Variants in TRAPPC9 observed in about 807,000 individuals in gnomAD.
TRAPPC9 encodes trafficking protein particle complex subunit 9.
Under a neutral mutation model 124.0 loss-of-function variants are expected in TRAPPC9, and 83 were observed. That is an observed-to-expected ratio of 0.67 (90% CI 0.56 to 0.80). The LOEUF (loss-of-function observed/expected upper bound fraction) is 0.80, where lower values mean the gene tolerates loss of function less well. Among genes scored for constraint, TRAPPC9 ranks in the 30% least tolerant of loss-of-function variants. TRAPPC9 has a pLI of 0.00. For missense variants in TRAPPC9, 1,302 were observed against 1,508.3 expected (o/e 0.86, Z 2.27); for synonymous variants, 638 against 617.5 (o/e 1.03, Z -0.49).
chr8:140,323,861 T>C (rs1159080931), intron 9 of TRAPPC9, among the ~76,000 whole-genome samples: 4 of 151,984 alleles, frequency 2.6e-5, no homozygotes, highest in African/African-American at 7.3e-5. Flanking sequence ...ATATATACTT[T>C]ATACTCTCAG....
intron 21 of TRAPPC9, among the ~76,000 whole-genome samples, chr8:139,790,505 C>T (rs1184987726): frequency 1.3e-5 from 2 of 152,214 alleles, no homozygotes; most frequent in Non-Finnish European, 2.9e-5. Context: ...AGGCTCTGGG[C>T]ACTGACTGCA....
intron 17 of TRAPPC9, among the ~76,000 whole-genome samples, chr8:140,192,735 T>C (rs2062527327): frequency 6.6e-6 from 1 of 152,242 alleles, no homozygotes; most frequent in Non-Finnish European, 1.5e-5. Context: ...CCACTATTTA[T>C]TGGATATTTT....
At chr8:140,406,698 A>T (rs770771163) in intron 5 of TRAPPC9, among the ~76,000 whole-genome samples, 1 of 152,212 alleles carries the variant, frequency 6.6e-6, no homozygotes, top group Non-Finnish European at 1.5e-5. Flanking sequence ...GAACTCTAAG[A>T]AAAGGAGAAC....
At chr8:140,153,380 C>A (rs893915031) in intron 17 of TRAPPC9, among the ~76,000 whole-genome samples, 4 of 151,968 alleles carry the variant, frequency 2.6e-5, no homozygotes, top group African/African-American at 4.8e-5. Flanking sequence ...CATTCATTTG[C>A]CCCTATCATT....
Position 140,252,550 on chromosome 8 carries a change from T to C in TRAPPC9, c.2431+227A>G. ...GACCTGCTGGTAAATGAGTACAAAA[T>C]AATAAAGAGTGAGAATTAAATCATT... is the stretch of plus-strand genomic sequence containing the variant. On this transcript the variant is annotated intron_variant, in intron 16 of 22. Transcript: ENST00000438773. This position sits in a 1 kb window ranked among gnomAD's most constrained non-coding sequence, Gnocchi z 4.2. 1 of 539,100 alleles carries C rather than the reference T, an allele frequency of 1.9e-6. No homozygotes were observed. The highest frequency in any genetic ancestry group is 3.2e-5 in the Admixed American group (1 of 30,900). 33.4% of individuals were successfully genotyped at this position (539,100 alleles called of 1,614,324 possible).
intron 17 of TRAPPC9, among the ~76,000 whole-genome samples, chr8:140,202,313 G>A (rs1272715229): frequency 6.6e-6 from 1 of 152,238 alleles, no homozygotes; most frequent in East Asian, 1.9e-4. Context: ...GGAAATCCAT[G>A]CATCCACCAT....
intron 18 of TRAPPC9, among the ~76,000 whole-genome samples, chr8:139,995,537 C>A (rs1199354039): frequency 6.6e-6 from 1 of 152,156 alleles, no homozygotes; most frequent in East Asian, 1.9e-4. Context: ...TGCCTCTGGA[C>A]AGTCAGTCCT....
chr8:140,432,628 T>G (rs937739564), intron 4 of TRAPPC9, among the ~76,000 whole-genome samples: 1 of 152,206 alleles, frequency 6.6e-6, no homozygotes, highest in African/African-American at 2.4e-5. Context: ...ATCCCAGCAC[T>G]TTGGGAGGCC....
chr8:139,852,021 G>C (rs2130934463), intron 21 of TRAPPC9, among the ~76,000 whole-genome samples: 1 of 152,328 alleles, frequency 6.6e-6, no homozygotes, highest in South Asian at 2.1e-4. Context: ...TGCTGTGGGA[G>C]AGTCCCCGTG....
intron 10 of TRAPPC9, among the ~76,000 whole-genome samples, chr8:140,309,048 G>A (rs1346992236): frequency 6.6e-6 from 1 of 152,140 alleles, no homozygotes; most frequent in Non-Finnish European, 1.5e-5. Flanking sequence ...GACGCGCACA[G>A]AAGGTTCGGA....
chr8:140,126,297 T>C (rs2130661950), intron 17 of TRAPPC9, among the ~76,000 whole-genome samples: 1 of 151,114 alleles, frequency 6.6e-6, no homozygotes, highest in South Asian at 2.1e-4. Context: ...GTGGGCCCCA[T>C]CTGGAGCATC....
intron 17 of TRAPPC9, among the ~76,000 whole-genome samples, chr8:140,125,838 C>T (rs191147158): frequency 2.6e-5 from 4 of 152,070 alleles, no homozygotes; most frequent in East Asian, 1.9e-4. Context: ...AGAGAAACAA[C>T]GATTAGACAT....
At chr8:140,337,477 G>A (rs1332058697) in intron 9 of TRAPPC9, among the ~76,000 whole-genome samples, 2 of 152,162 alleles carry the variant, frequency 1.3e-5, no homozygotes, top group East Asian at 3.9e-4. Context: ...GCTTGAGCAG[G>A]CCAGGACTGT....
chr8:139,826,798 G>T (rs568752029), intron 21 of TRAPPC9, among the ~76,000 whole-genome samples: 93 of 152,296 alleles, frequency 6.1e-4, no homozygotes, highest in Non-Finnish European at 1.1e-3. Flanking sequence ...GAACAGAAAG[G>T]TACAGCAGGA....
At chr8:140,208,031 T>G (rs1273716997) in intron 17 of TRAPPC9, among the ~76,000 whole-genome samples, 1 of 151,726 alleles carries the variant, frequency 6.6e-6, no homozygotes, top group Admixed American at 6.6e-5. Flanking sequence ...ACGCATGTAG[T>G]CCCAACTACT....
At chr8:139,889,823 C>G (rs564179924) in intron 20 of TRAPPC9, among the ~76,000 whole-genome samples, 271 of 152,318 alleles carry the variant, frequency 1.8e-3, no homozygotes, top group African/African-American at 6.4e-3. Context: ...CCCCCTGCGG[C>G]CCCCTCGTCC....
chr8:139,732,036 G>T lies in TRAPPC9; in HGVS notation c.3222C>A (p.Asn1074Lys). The change falls in exon 22 of 23, where the codon AAC (asparagine) becomes AAA (lysine). Residue 1074 changes from asparagine (N) to lysine (K), a missense_variant. Physicochemically the swap from Asn to Lys is moderately conservative, Grantham distance 94. Around this residue, in one of 3 missense-constraint regions of TRAPPC9, gnomAD observed 640 missense variants for 679.3 expected, o/e 0.94. Coordinates refer to ENST00000438773, the MANE Select transcript of TRAPPC9 (RefSeq NM_001160372.4). The part of the protein sequence containing the change: ...PFQDHQNGVH[N>K]YDLHDTVSFV... Reference sequence around the variant, plus strand: ...AGGAGACGGTGTCGTGCAGGTCGTAGTTGTGCACGCCGTTCTGGTGGTCCT... The same window carrying T: ...AGGAGACGGTGTCGTGCAGGTCGTATTTGTGCACGCCGTTCTGGTGGTCCT... 6.2e-7 allele frequency: 1 copy of T among 1,604,680 alleles called. No individual in the cohort carries two copies. Among genetic ancestry groups the T allele is most frequent in the Non-Finnish European group, 8.5e-7 (1 of 1,175,540 alleles).
rs76414889 is a variant in TRAPPC9 at position 140,156,790 on chromosome 8, T to C, written c.2556+64669A>G. On this transcript the variant is annotated intron_variant, in intron 17 of 22. Coordinates refer to ENST00000438773, the MANE Select transcript of TRAPPC9 (RefSeq NM_001160372.4). ...TGTCAGAGGAGCTGTGGAATGGAGA[T>C]ATTGCAGAGAAGATGCTAAAATAAA... 3.3e-5 allele frequency among the ~76,000 whole-genome samples: 5 copies of C among 152,190 alleles called. No individual in the cohort carries two copies. The East Asian group carries it at 7.7e-4, about 23-fold the overall frequency.
At chr8:140,299,265 T>C (rs1588117541) in intron 11 of TRAPPC9, among the ~76,000 whole-genome samples, 1 of 150,552 alleles carries the variant, frequency 6.6e-6, no homozygotes. Context: ...TGGCAGGAGG[T>C]GGCATGAAAA....
Sources: allele counts gnomAD v4.1 joint callset (sites outside exome capture counted in the v4.1 genomes callset), GRCh38; gene constraint gnomAD v4.1.1; regional missense constraint gnomAD v4.1.1; non-coding constraint Gnocchi (gnomAD v3.1); transcripts MANE v1.5; gene names NCBI Gene and HGNC (gene_info 2026-07-23, HGNC 2026-07-21).